OXR1: variants seen among roughly 807,000 people sequenced by gnomAD.
The protein encoded by OXR1 is oxidation resistance protein 1.
Under a neutral mutation model 104.6 loss-of-function variants are expected in OXR1, and 41 were observed. That is an observed-to-expected ratio of 0.39 (90% CI 0.31 to 0.51). The LOEUF is 0.51. OXR1 is among the 20% of genes least tolerant of loss of function. OXR1 has a pLI of 0.77. For missense variants in OXR1, 955 were observed against 1,031.9 expected, an observed-to-expected ratio of 0.93 and a Z score of 1.02; for synonymous variants, 348 against 348.4, an observed-to-expected ratio of 1.00 and a Z score of 0.01.
At chr8:106,652,467 A>G (rs1824669029) in intron 3 of OXR1, among the ~76,000 whole-genome samples, 1 of 152,098 alleles carries the variant, frequency 6.6e-6, no homozygotes, top group African/African-American at 2.4e-5. Flanking sequence ...AAAAACACAA[A>G]GAAATTTGGG....
At chr8:106,303,355 A>C (rs1318850402) in intron 1 of OXR1, among the ~76,000 whole-genome samples, 1 of 142,760 alleles carries the variant, frequency 7.0e-6, no homozygotes, top group Non-Finnish European at 1.5e-5. Context: ...CCAGGGTCAC[A>C]CCATTCTCCT....
At chr8:106,660,568 A>G (rs1193157915) in intron 3 of OXR1, among the ~76,000 whole-genome samples, 1 of 152,228 alleles carries the variant, frequency 6.6e-6, no homozygotes, top group Non-Finnish European at 1.5e-5. Flanking sequence ...ATCCACTAAG[A>G]TGAAAAAGTA....
intron 3 of OXR1, among the ~76,000 whole-genome samples, chr8:106,541,714 G>T (rs1814964375): frequency 6.6e-6 from 1 of 152,156 alleles, no homozygotes; most frequent in Non-Finnish European, 1.5e-5. Flanking sequence ...ATTAGCTATG[G>T]AAACAGTTGA....
intron 3 of OXR1, among the ~76,000 whole-genome samples, chr8:106,614,737 T>C (rs182838303): frequency 3.8e-4 from 58 of 152,316 alleles, no homozygotes; most frequent in Admixed American, 2.8e-3. Flanking sequence ...ATCTTATAGA[T>C]ATGACATATA....
At chr8:106,368,874 G>A (rs1220067239) in intron 2 of OXR1, among the ~76,000 whole-genome samples, 1 of 152,156 alleles carries the variant, frequency 6.6e-6, no homozygotes. Flanking sequence ...TTGTGCATGT[G>A]TCTTTAGAGT....
At position 106,737,600 on chromosome 8, in the gene OXR1, G is replaced by C; in HGVS notation, c.2037G>C (p.Gln679His). Reference protein sequence around the residue: ...EELRTLCRRLQITTREDINSK... With the variant: ...EELRTLCRRLHITTREDINSK... ...TGCGCACACTCTGCAGACGCCTCCA[G>C]GTGCCCCCTTCAGTAGTTTAAACCC... The change falls in exon 12 of 17, where the codon CAG becomes CAC. Residue 679 changes from glutamine (Q) to histidine (H), a missense_variant and splice_region_variant. Gln to His is a conservative substitution (Grantham distance 24). This residue lies in a region of OXR1 where 849 missense variants were observed against 852.9 expected (regional missense o/e 1.00). Transcript: ENST00000517566. 1 of 1,375,642 alleles carries C rather than the reference G, an allele frequency of 7.3e-7. No homozygotes were observed. Among genetic ancestry groups the C allele is most frequent in the Non-Finnish European group, 9.5e-7 (1 of 1,048,590 alleles). 85.2% of individuals were successfully genotyped at this position (1,375,642 alleles called of 1,614,324 possible).
rs183755658 is a variant in OXR1 at position 106,551,666 on chromosome 8, G to T, written c.220+32527G>T. On this transcript the variant is annotated intron_variant, in intron 3 of 16. Transcript: ENST00000517566. ...GATTTGACTTAGAAGGAGTGGGTATGTCTGGGCACAATGGCTCCCACCTGT... is the reference window on the plus strand; with the variant it reads ...GATTTGACTTAGAAGGAGTGGGTATTTCTGGGCACAATGGCTCCCACCTGT... 2.9e-3 allele frequency among the ~76,000 whole-genome samples: 439 copies of T among 151,746 alleles called. 1 individual carries two copies. The highest frequency in any genetic ancestry group is 1.0e-2 in the African/African-American group (413 of 41,376).
At chr8:106,285,351 A>C (rs1421787958) in intron 1 of OXR1, among the ~76,000 whole-genome samples, 1 of 152,158 alleles carries the variant, frequency 6.6e-6, no homozygotes, top group Non-Finnish European at 1.5e-5. Flanking sequence ...TCTGCAGAGT[A>C]ATTGGGCAGC....
At chr8:106,380,458 G>T (rs1354544093) in intron 2 of OXR1, among the ~76,000 whole-genome samples, 1 of 152,164 alleles carries the variant, frequency 6.6e-6, no homozygotes, top group Non-Finnish European at 1.5e-5. Flanking sequence ...CATGGACATT[G>T]TTTTCATTTC....
chr8:106,533,840 T>C (rs1474273883), intron 3 of OXR1, among the ~76,000 whole-genome samples: 4 of 151,596 alleles, frequency 2.6e-5, no homozygotes, highest in Non-Finnish European at 4.4e-5. Flanking sequence ...CTCAGCCTCC[T>C]GAGTAGCTAA....
intron 1 of OXR1, among the ~76,000 whole-genome samples, chr8:106,333,037 C>A (rs1814786588): frequency 6.6e-6 from 1 of 151,962 alleles, no homozygotes; most frequent in Admixed American, 6.6e-5. Context: ...TTTGTTTATC[C>A]ATTTATCAAT....
At chr8:106,507,343 T>TAA (rs111619262) in intron 2 of OXR1, among the ~76,000 whole-genome samples, 1,891 of 152,200 alleles carry the variant, frequency 0.012, 29 homozygotes, top group East Asian at 0.08. Context: ...ATGGAGAGAT[T>TAA]AAGTAATTTG....
chr8:106,281,942 T>G (rs1812307910), intron 1 of OXR1, among the ~76,000 whole-genome samples: 1 of 152,106 alleles, frequency 6.6e-6, no homozygotes. Flanking sequence ...CAATCTGAAT[T>G]TTTTCATTAT....
chr8:106,752,183 A>G lies in OXR1; in HGVS notation c.*1242A>G, dbSNP rs905349508. The G allele has an allele frequency of 6.6e-6, 1 of 150,934 alleles. No homozygotes were observed. The highest frequency in any genetic ancestry group is 2.1e-4 in the South Asian group (1 of 4,734). 9.3% of individuals were successfully genotyped at this position (150,934 alleles called of 1,614,324 possible). A position where few individuals can be genotyped will look rare whatever the true frequency, so the allele number is the denominator to read the frequency against. On this transcript the variant is annotated 3_prime_UTR_variant, in exon 17 of 17. Transcript: ENST00000517566. ...GTGACTTTGTGCTGAAATTTCAGCT[A>G]TTCCAGATAAACATTGTATATCTTG...
chr8:106,616,552 G>T (rs1353271838), intron 3 of OXR1, among the ~76,000 whole-genome samples: 1 of 152,056 alleles, frequency 6.6e-6, no homozygotes, highest in African/African-American at 2.4e-5. Context: ...GAATCATCTT[G>T]CCAATTTATA....
intron 1 of OXR1, among the ~76,000 whole-genome samples, chr8:106,331,052 C>T (rs2130225019): frequency 6.6e-6 from 1 of 152,226 alleles, no homozygotes; most frequent in South Asian, 2.1e-4. Flanking sequence ...TTTGCAATTG[C>T]AGTGATTTAT....
At chr8:106,498,709 C>T (rs1319037856) in intron 2 of OXR1, among the ~76,000 whole-genome samples, 2 of 152,206 alleles carry the variant, frequency 1.3e-5, no homozygotes, top group East Asian at 3.9e-4. Context: ...GTGTAAATTA[C>T]ATGATGCATC....
chr8:106,456,764 T>C (rs759748684), intron 2 of OXR1, among the ~76,000 whole-genome samples: 2 of 152,156 alleles, frequency 1.3e-5, no homozygotes, highest in Non-Finnish European at 2.9e-5. Context: ...GAACTGGTCA[T>C]GAAATGAAAC....
chr8:106,285,383 A>T lies in OXR1; in HGVS notation c.-139+15016A>T, dbSNP rs1812453944. Among the ~76,000 whole-genome samples the T allele has an allele frequency of 2.6e-5, 4 of 152,092 alleles. No homozygotes were observed. The South Asian group carries it at 8.3e-4, about 31-fold the overall frequency. ...CAGCTCTGCCTCATTTTTAGTGTTAACTACCAGTGGGGATTAATTACTTGC... is the reference window on the plus strand; with the variant it reads ...CAGCTCTGCCTCATTTTTAGTGTTATCTACCAGTGGGGATTAATTACTTGC... On this transcript the variant is annotated intron_variant, in intron 1 of 16. Coordinates refer to ENST00000517566, the MANE Select transcript of OXR1 (RefSeq NM_001198533.2).
Sources: allele counts gnomAD v4.1 joint callset (sites outside exome capture counted in the v4.1 genomes callset), GRCh38; gene constraint gnomAD v4.1.1; regional missense constraint gnomAD v4.1.1; transcripts MANE v1.5; gene names NCBI Gene and HGNC (gene_info 2026-07-23, HGNC 2026-07-21).